Variants in TMEM132C observed in about 807,000 individuals in gnomAD.
The protein encoded by TMEM132C is transmembrane protein 132C.
In TMEM132C, 29 loss-of-function variants were observed where a neutral mutation model predicts 61.4. That is an observed-to-expected ratio of 0.47 (90% confidence interval 0.35 to 0.64). The LOEUF is 0.64. TMEM132C is among the 30% of genes least tolerant of loss of function. The probability of loss-of-function intolerance (pLI) is 0.00; values close to 1 mark genes in which losing one functional copy is unlikely to be tolerated. For missense variants in TMEM132C, 1,408 were observed against 1,476.9 expected (o/e 0.95, Z 0.76); for synonymous variants, 656 against 633.1 (o/e 1.04, Z -0.54).
intron 1 of TMEM132C, among the ~76,000 whole-genome samples, chr12:128,405,680 TATTC>T (rs1186126566): frequency 6.6e-6 from 1 of 152,212 alleles, no homozygotes; most frequent in African/African-American, 2.4e-5. Context: ...TAAACAGAAC[TATTC>T]ATTTATATTA....
At chr12:128,362,545 C>T (rs185047692) in intron 1 of TMEM132C, among the ~76,000 whole-genome samples, 4 of 152,242 alleles carry the variant, frequency 2.6e-5, no homozygotes, top group Admixed American at 2.6e-4. Context: ...TATACCTTAT[C>T]CAAAATGCCT....
intron 3 of TMEM132C, among the ~76,000 whole-genome samples, chr12:128,594,650 C>A (rs994936173): frequency 1.3e-5 from 2 of 152,174 alleles, no homozygotes; most frequent in Non-Finnish European, 2.9e-5. Flanking sequence ...CACAGGGAGG[C>A]TTCTGGGACT....
intron 1 of TMEM132C, among the ~76,000 whole-genome samples, chr12:128,398,011 T>C (rs940629152): frequency 6.6e-6 from 1 of 151,918 alleles, no homozygotes; most frequent in Non-Finnish European, 1.5e-5. Context: ...TTGATTTTTT[T>C]CCCCCGATTA....
At chr12:128,330,301 C>T (rs1450901402) in intron 1 of TMEM132C, among the ~76,000 whole-genome samples, 1 of 152,208 alleles carries the variant, frequency 6.6e-6, no homozygotes, top group African/African-American at 2.4e-5. Flanking sequence ...ATTGAGTAAA[C>T]TAATGTGATT....
Position 128,696,102 on chromosome 12 carries a change from A to G in TMEM132C, c.1928A>G (p.Gln643Arg). ...VGREVGMTTI[Q>R]VLSPLSDSIL... is the part of the protein sequence containing the mutation. ...CGAGAGGTTGGGATGACGACCATCCAGGTAGGAAGCTGGGAGTCTCTGTGT... is the reference window on the plus strand; with the variant it reads ...CGAGAGGTTGGGATGACGACCATCCGGGTAGGAAGCTGGGAGTCTCTGTGT... Residue 643 changes from glutamine to arginine, a missense_variant and splice_region_variant, in exon 7 of 9, where the codon CAG (glutamine) becomes CGG (arginine). Coordinates refer to ENST00000435159, the MANE Select transcript of TMEM132C (RefSeq NM_001136103.3). 1 of 1,550,950 alleles carries G rather than the reference A, an allele frequency of 6.4e-7. No individual in the cohort carries two copies. The highest frequency in any genetic ancestry group is 8.7e-7 in the Non-Finnish European group (1 of 1,146,618).
chr12:128,319,382 A>AGT (rs71449341), intron 1 of TMEM132C, among the ~76,000 whole-genome samples: 18,774 of 151,488 alleles, frequency 0.12, 1,339 homozygotes, highest in East Asian at 0.36. Flanking sequence ...ACAGAGAGAC[A>AGT]GTGTGTGTGT....
At chr12:128,590,368 AG>A (rs1488410036) in intron 3 of TMEM132C, among the ~76,000 whole-genome samples, 1 of 152,260 alleles carries the variant, frequency 6.6e-6, no homozygotes, top group African/African-American at 2.4e-5. Context: ...TAAACCACTC[AG>A]GAAAACAGGA....
intron 2 of TMEM132C, among the ~76,000 whole-genome samples, chr12:128,525,620 A>G (rs1045845578): frequency 1.3e-5 from 2 of 152,172 alleles, no homozygotes; most frequent in African/African-American, 4.8e-5. Flanking sequence ...TGTATGATCT[A>G]TTGCAATGCA....
intron 4 of TMEM132C, among the ~76,000 whole-genome samples, chr12:128,645,367 G>A (rs376186749): frequency 2.3e-4 from 35 of 152,180 alleles, no homozygotes; most frequent in South Asian, 2.1e-4. Flanking sequence ...GCATCCCCTC[G>A]CCAGCATCTT....
At chr12:128,433,295 G>C (rs1018556048) in intron 2 of TMEM132C, among the ~76,000 whole-genome samples, 2 of 152,036 alleles carry the variant, frequency 1.3e-5, no homozygotes, top group African/African-American at 2.4e-5. Context: ...TATAATTAGG[G>C]ACTTTCCAGT....
At chr12:128,392,301 G>A (rs1442026605) in intron 1 of TMEM132C, among the ~76,000 whole-genome samples, 1 of 152,214 alleles carries the variant, frequency 6.6e-6, no homozygotes, top group South Asian at 2.1e-4. Context: ...GTGAGGAACT[G>A]CACCTTCATC....
chr12:128,518,178 T>C (rs942071364), intron 2 of TMEM132C, among the ~76,000 whole-genome samples: 26 of 152,232 alleles, frequency 1.7e-4, no homozygotes, highest in African/African-American at 5.8e-4. Context: ...TGGATAAAGC[T>C]TGCATTTTCT....
intron 2 of TMEM132C, among the ~76,000 whole-genome samples, chr12:128,527,571 T>C (rs556818156): frequency 6.6e-6 from 1 of 152,326 alleles, no homozygotes; most frequent in East Asian, 1.9e-4. Context: ...GGATGGGCTC[T>C]TTTGCCCTTT....
intron 2 of TMEM132C, among the ~76,000 whole-genome samples, chr12:128,490,015 G>C (rs1871659553): frequency 6.6e-6 from 1 of 152,180 alleles, no homozygotes; most frequent in South Asian, 2.1e-4. Flanking sequence ...TTAGAGTCTA[G>C]GCTGGACATT....
chr12:128,359,320 AAG>A (rs1367354149), intron 1 of TMEM132C, among the ~76,000 whole-genome samples: 1 of 152,172 alleles, frequency 6.6e-6, no homozygotes, highest in Non-Finnish European at 1.5e-5. Context: ...GGTGGAAGAC[AAG>A]AGAGAGCATG....
intron 3 of TMEM132C, among the ~76,000 whole-genome samples, chr12:128,585,454 G>A (rs185870288): frequency 6.6e-6 from 1 of 152,260 alleles, no homozygotes; most frequent in Non-Finnish European, 1.5e-5. Flanking sequence ...GTTCTGCAGT[G>A]ACAGATGTTA....
intron 2 of TMEM132C, among the ~76,000 whole-genome samples, chr12:128,426,395 C>T (rs528509525): frequency 4.8e-4 from 73 of 152,162 alleles, no homozygotes; most frequent in Non-Finnish European, 8.8e-4. Context: ...TCTGCAGGAT[C>T]GAGTGGATTC....
chr12:128,607,536 A>T (rs1366212133), intron 3 of TMEM132C, among the ~76,000 whole-genome samples: 1 of 152,138 alleles, frequency 6.6e-6, no homozygotes, highest in Non-Finnish European at 1.5e-5. Flanking sequence ...GTAAGAGATG[A>T]TGGTTGCTTG....
At chr12:128,600,217 T>C (rs375835894) in intron 3 of TMEM132C, among the ~76,000 whole-genome samples, 4 of 152,024 alleles carry the variant, frequency 2.6e-5, no homozygotes, top group African/African-American at 7.2e-5. Flanking sequence ...CTCCTGACCT[T>C]GTGATCTGCC....
Sources: allele counts gnomAD v4.1 joint callset (sites outside exome capture counted in the v4.1 genomes callset), GRCh38; gene constraint gnomAD v4.1.1; transcripts MANE v1.5; gene names NCBI Gene and HGNC (gene_info 2026-07-23, HGNC 2026-07-21).